The following SPMIP3 variants were observed in gnomAD, a reference collection of about 807,000 sequenced individuals.
SPMIP3 encodes the protein sperm microtubule inner protein 3, also known as protein SPMIP3.
chr1:244,367,632 G>A, the SPMIP3 span, among the ~76,000 whole-genome samples: 1 of 152,194 alleles, frequency 6.6e-6, no homozygotes, highest in Non-Finnish European at 1.5e-5. Context: ...GCCCCAGAGA[G>A]CAGAAGACAG....
the SPMIP3 span, chr1:244,378,466 GACCGCTCA>G: frequency 2.5e-6 from 4 of 1,605,830 alleles, no homozygotes; most frequent in Non-Finnish European, 3.4e-6. Context: ...TTTCCATTTA[GACCGCTCA>G]TAGACTTGAC....
chr1:244,387,872 AT>A, the SPMIP3 span, among the ~76,000 whole-genome samples: 1 of 151,676 alleles, frequency 6.6e-6, no homozygotes, highest in Non-Finnish European at 1.5e-5. Flanking sequence ...AGTTTGTGTT[AT>A]TATAAGTAAC....
chr1:244,386,003 A>AACAC, the SPMIP3 span, among the ~76,000 whole-genome samples: 1,637 of 145,736 alleles, frequency 0.011, 10 homozygotes, highest in South Asian at 0.022. Context: ...ATCTCTACAA[A>AACAC]ACACACACAC....
chr1:244,360,024 A>G, the SPMIP3 span, among the ~76,000 whole-genome samples: 26 of 151,984 alleles, frequency 1.7e-4, no homozygotes, highest in South Asian at 5.0e-3. Flanking sequence ...CAGGAGAATC[A>G]CTGGAACCCG....
the SPMIP3 span, chr1:244,375,330 G>C: frequency 1.3e-6 from 2 of 1,493,398 alleles, no homozygotes; most frequent in African/African-American, 1.4e-5. Context: ...TGAACTAATT[G>C]TAAGAATGGC....
chr1:244,357,092 T>C, the SPMIP3 span, among the ~76,000 whole-genome samples: 1 of 151,850 alleles, frequency 6.6e-6, no homozygotes, highest in South Asian at 2.1e-4. Flanking sequence ...CAGATAATTA[T>C]TGTATTTTTT....
At chr1:244,363,156 A>G in the SPMIP3 span, among the ~76,000 whole-genome samples, 2,213 of 152,270 alleles carry the variant, frequency 0.015, 22 homozygotes, top group Non-Finnish European at 0.022. Flanking sequence ...CTGTAATCCC[A>G]GCACTTTGAG....
the SPMIP3 span, chr1:244,378,389 G>A: frequency 2.3e-5 from 33 of 1,424,964 alleles, no homozygotes; most frequent in East Asian, 2.1e-4. Context: ...CGTTTCCAGG[G>A]AATGGATTCC....
At chr1:244,384,083 T>TA in the SPMIP3 span, among the ~76,000 whole-genome samples, 29 of 151,884 alleles carry the variant, frequency 1.9e-4, no homozygotes, top group African/African-American at 5.6e-4. Flanking sequence ...AATAAAAAAT[T>TA]AAAAAAAATT....
At chr1:244,373,739 C>T in the SPMIP3 span, among the ~76,000 whole-genome samples, 31 of 151,802 alleles carry the variant, frequency 2.0e-4, 1 homozygote, top group South Asian at 6.5e-3. Context: ...ATAGCAAAAA[C>T]CGCAATTACT....
At chr1:244,388,329 A>G in the SPMIP3 span, among the ~76,000 whole-genome samples, 1 of 152,188 alleles carries the variant, frequency 6.6e-6, no homozygotes, top group African/African-American at 2.4e-5. Flanking sequence ...TCCTTAGGTC[A>G]GTTGTGAAAA....
the SPMIP3 span, among the ~76,000 whole-genome samples, chr1:244,358,928 G>A: frequency 6.6e-6 from 1 of 152,092 alleles, no homozygotes; most frequent in Non-Finnish European, 1.5e-5. Context: ...GGAGATGAAA[G>A]TTATGTTGTT....
chr1:244,378,599 C>G, the SPMIP3 span: 1 of 1,614,032 alleles, frequency 6.2e-7, no homozygotes, highest in Non-Finnish European at 8.5e-7. Context: ...ATAAAGAAAC[C>G]ACTTACCGAC....
chr1:244,379,390 A>C, the SPMIP3 span, among the ~76,000 whole-genome samples: 1 of 151,354 alleles, frequency 6.6e-6, no homozygotes, highest in Non-Finnish European at 1.5e-5. Flanking sequence ...TTTTTTATAG[A>C]GATGAGGGTC....
the SPMIP3 span, among the ~76,000 whole-genome samples, chr1:244,361,322 T>C: frequency 6.7e-6 from 1 of 149,720 alleles, no homozygotes; most frequent in Admixed American, 6.8e-5. Context: ...CTCTGCCTCC[T>C]GGGTTCAAGG....
chr1:244,371,060 C>T, the SPMIP3 span, among the ~76,000 whole-genome samples: 8 of 152,190 alleles, frequency 5.3e-5, no homozygotes, highest in East Asian at 5.8e-4. Flanking sequence ...CTGGAGGGAC[C>T]GACACCTCTG....
At chr1:244,375,307 C>A in the SPMIP3 span, 1 of 1,292,266 alleles carries the variant, frequency 7.7e-7, no homozygotes, top group Non-Finnish European at 1.1e-6. Context: ...CCGCAGCTGG[C>A]ATTCTTCTGG....
chr1:244,369,411 T>C, the SPMIP3 span, among the ~76,000 whole-genome samples: 3 of 152,220 alleles, frequency 2.0e-5, no homozygotes, highest in Non-Finnish European at 2.9e-5. Context: ...GGCAACTGTG[T>C]GGTCAGCCCA....
chr1:244,373,093 T>C, the SPMIP3 span, among the ~76,000 whole-genome samples: 13 of 151,760 alleles, frequency 8.6e-5, no homozygotes, highest in Non-Finnish European at 1.5e-4. Context: ...TTCAAATTTG[T>C]TTTCTGGCTG....
Sources: gnomAD v4.1 joint callset for allele counts (sites outside exome capture counted in the v4.1 genomes callset) on GRCh38, gnomAD v4.1.1 for gene constraint, MANE v1.5 for transcripts, NCBI Gene and HGNC (gene_info 2026-07-23, HGNC 2026-07-21) for gene names.